TRMO: variants seen among roughly 807,000 people sequenced by gnomAD.
TRMO encodes the protein tRNA methyltransferase O, also known as tRNA (adenine(37)-N6)-methyltransferase.
Under a neutral mutation model 37.2 loss-of-function variants are expected in TRMO, and 30 were observed. The observed-to-expected ratio is 0.81, with a 90% CI of 0.60 to 1.09. The LOEUF (loss-of-function observed/expected upper bound fraction) is 1.09. Ranked by LOEUF, TRMO falls within the 50% of genes least tolerant of loss-of-function variation. The pLI, the probability that TRMO is intolerant of heterozygous loss-of-function variation, is 0.00. For missense variants in TRMO, 552 were observed against 549.5 expected, an observed-to-expected ratio of 1.00 and a Z score of -0.05; for synonymous variants, 239 against 199.4, an observed-to-expected ratio of 1.20 and a Z score of -1.67.
chr9:97,910,061 C>T lies in TRMO; in HGVS notation c.965G>A (p.Arg322His), dbSNP rs191772878. The T allele has an allele frequency of 1.5e-5, 24 of 1,613,252 alleles. No homozygotes were observed. In the Admixed American group the frequency reaches 1.7e-4, roughly 11 times the overall value. Residue 322 changes from arginine (R) to histidine (H), a missense_variant, in exon 4 of 5, where the codon CGC (arginine) becomes CAC (histidine). Coordinates refer to ENST00000375119, the MANE Select transcript of TRMO (RefSeq NM_016481.5). ...TGTCACCCAGGCAGGAACCACGCTG[C>T]GGGGAGCTCCATCAGCCCTTCCAGC... is the stretch of plus-strand genomic sequence containing the variant. The part of the protein sequence containing the change: ...CPAGRADGAP[R>H]SVVPAWVTEA...
At chr9:97,907,303 G>A (rs573657116) in intron 4 of TRMO, among the ~76,000 whole-genome samples, 3 of 152,164 alleles carry the variant, frequency 2.0e-5, no homozygotes, top group Non-Finnish European at 4.4e-5. Context: ...CTTTTCCTTT[G>A]CAAAAGGCAA....
chr9:97,897,669 T>C, the TRMO span, among the ~76,000 whole-genome samples: 1 of 152,240 alleles, frequency 6.6e-6, no homozygotes, highest in Non-Finnish European at 1.5e-5. Context: ...TGAAGAATTA[T>C]GTAGTTTTTC....
At chr9:97,918,981 A>G (rs1360189843) in intron 1 of TRMO, among the ~76,000 whole-genome samples, 1 of 152,232 alleles carries the variant, frequency 6.6e-6, no homozygotes, top group Admixed American at 6.5e-5. Context: ...AAAAACTGGC[A>G]CCAAACTGTA....
chr9:97,919,447 GGAAAGA>G (rs1311504439), intron 1 of TRMO, among the ~76,000 whole-genome samples: 2 of 133,960 alleles, frequency 1.5e-5, no homozygotes, highest in African/African-American at 5.1e-5. Flanking sequence ...GGGAAAGAAA[GGAAAGA>G]AAAGAAAAGA....
chr9:97,921,423 ATTT>A (rs1205049397), intron 1 of TRMO, among the ~76,000 whole-genome samples: 7 of 140,234 alleles, frequency 5.0e-5, no homozygotes, highest in East Asian at 4.1e-4. Flanking sequence ...CAAAGTGTTA[ATTT>A]TTTTTTTTTT....
intron 1 of TRMO, among the ~76,000 whole-genome samples, chr9:97,917,319 A>G (rs1826415406): frequency 1.3e-5 from 2 of 152,248 alleles, no homozygotes; most frequent in South Asian, 4.1e-4. Context: ...TTATAAGCTC[A>G]TAGTGCTAAA....
chr9:97,914,802 A>C (rs574228298), intron 2 of TRMO, among the ~76,000 whole-genome samples: 2 of 152,280 alleles, frequency 1.3e-5, no homozygotes, highest in African/African-American at 4.8e-5. Flanking sequence ...ATTTGTTTCT[A>C]TGTGTACTTG....
intron 2 of TRMO, 63 bp from the exon 3 acceptor site, chr9:97,913,621 A>G (rs1826228587): frequency 1.8e-6 from 2 of 1,110,248 alleles, no homozygotes; most frequent in Non-Finnish European, 2.7e-6. Flanking sequence ...TTTTACCACA[A>G]TGATCTGATG....
At chr9:97,909,328 G>A (rs1039159784) in intron 4 of TRMO, among the ~76,000 whole-genome samples, 1 of 152,144 alleles carries the variant, frequency 6.6e-6, no homozygotes, top group Admixed American at 6.5e-5. Flanking sequence ...GCTACTGCTT[G>A]GGATCTGCTG....
At chr9:97,909,729 C>A (rs1037381448) in intron 4 of TRMO, among the ~76,000 whole-genome samples, 17 of 152,214 alleles carry the variant, frequency 1.1e-4, no homozygotes, top group African/African-American at 4.1e-4. Flanking sequence ...GAGGCAGCAG[C>A]CACTCTCTGC....
chr9:97,921,054 G>A (rs1826604616), intron 1 of TRMO, among the ~76,000 whole-genome samples: 1 of 152,216 alleles, frequency 6.6e-6, no homozygotes, highest in African/African-American at 2.4e-5. Context: ...GTCAAAATAT[G>A]AGACCTGTAA....
chr9:97,917,695 T>C (rs529197489), intron 1 of TRMO, among the ~76,000 whole-genome samples: 1 of 152,292 alleles, frequency 6.6e-6, no homozygotes, highest in East Asian at 1.9e-4. Context: ...GTTTGTTTTT[T>C]TGAGACAGAG....
At chr9:97,904,421 G>C, downstream of TRMO, 1 of 1,034,972 alleles carries the variant, frequency 9.7e-7, no homozygotes, top group Non-Finnish European at 1.2e-6. Flanking sequence ...GTCTCTGCTG[G>C]AATGAACTTT....
intron 4 of TRMO, among the ~76,000 whole-genome samples, chr9:97,909,171 T>C (rs1355529955): frequency 6.6e-6 from 1 of 152,174 alleles, no homozygotes. Flanking sequence ...AGGCTGGTCT[T>C]GAACTCCGGA....
intron 4 of TRMO, among the ~76,000 whole-genome samples, chr9:97,909,180 G>A (rs1825994764): frequency 6.6e-6 from 1 of 152,146 alleles, no homozygotes; most frequent in African/African-American, 2.4e-5. Context: ...TTGAACTCCG[G>A]ACCTCAAGTG....
intron 3 of TRMO, chr9:97,913,121 A>G: frequency 2.1e-6 from 1 of 469,780 alleles, no homozygotes. Context: ...AACTTTGGTT[A>G]CTAATTTAAT....
At chr9:97,912,040 G>A (rs1452260473) in intron 3 of TRMO, 1 of 152,196 alleles carries the variant, frequency 6.6e-6, no homozygotes, top group Non-Finnish European at 1.5e-5. Flanking sequence ...AAAGGATTTA[G>A]AGTCAGATGA....
chr9:97,898,329 G>T, the TRMO span, among the ~76,000 whole-genome samples: 1 of 152,060 alleles, frequency 6.6e-6, no homozygotes, highest in Non-Finnish European at 1.5e-5. Flanking sequence ...CCTAGATCAG[G>T]AAACTCAATT....
chr9:97,914,698 A>G (rs898655276), intron 2 of TRMO, among the ~76,000 whole-genome samples: 3 of 152,184 alleles, frequency 2.0e-5, no homozygotes, highest in Admixed American at 6.5e-5. Flanking sequence ...AAAAAAGGTA[A>G]ATCTACTGTC....
Sources: allele counts gnomAD v4.1 joint callset (sites outside exome capture counted in the v4.1 genomes callset), GRCh38; gene constraint gnomAD v4.1.1; transcripts MANE v1.5; gene names NCBI Gene and HGNC (gene_info 2026-07-23, HGNC 2026-07-21).